SACS: variants seen among roughly 807,000 people sequenced by gnomAD.
The protein encoded by SACS is sacsin.
SACS carries 197 observed loss-of-function variants against 348.0 expected under a neutral mutation model. The ratio of observed to expected loss-of-function variants is 0.57; its 90% confidence interval spans 0.50 to 0.64. The LOEUF is 0.64. Ranked by LOEUF, SACS falls within the 30% of genes least tolerant of loss-of-function variation. SACS has a pLI of 0.00. For synonymous variants in SACS, 1,985 were observed against 1,910.6 expected (o/e 1.04, Z -1.02); for missense variants, 4,999 against 5,360.8 (o/e 0.93, Z 2.11).
chr13:23,372,362 A>G (rs1302223308), intron 3 of SACS, among the ~76,000 whole-genome samples: 1 of 152,170 alleles, frequency 6.6e-6, no homozygotes, highest in Non-Finnish European at 1.5e-5. Context: ...GCATATTCTC[A>G]ACACATTTTA....
intron 3 of SACS, among the ~76,000 whole-genome samples, chr13:23,374,597 A>C (rs544407089): frequency 2.6e-5 from 4 of 152,292 alleles, no homozygotes; most frequent in African/African-American, 9.6e-5. Flanking sequence ...GTTTTCCAAA[A>C]TTTTCTGACC....
At chr13:23,396,292 C>T (rs1872709130) in intron 2 of SACS, among the ~76,000 whole-genome samples, 1 of 149,976 alleles carries the variant, frequency 6.7e-6, no homozygotes, top group Non-Finnish European at 1.5e-5. Flanking sequence ...CCACTGCATT[C>T]CAGCCTGGGC....
chr13:23,405,197 T>C (rs1873153892), intron 2 of SACS, among the ~76,000 whole-genome samples: 2 of 152,182 alleles, frequency 1.3e-5, no homozygotes, highest in African/African-American at 4.8e-5. Flanking sequence ...AGCATGGTAC[T>C]GGTACCAAAA....
At chr13:23,344,295 C>G (rs1869461275) in intron 9 of SACS, among the ~76,000 whole-genome samples, 1 of 152,108 alleles carries the variant, frequency 6.6e-6, no homozygotes, top group South Asian at 2.1e-4. Flanking sequence ...ATAATCTTAC[C>G]CAATAGCCTT....
chr13:23,413,313 C>T (rs1019440307), intron 1 of SACS, among the ~76,000 whole-genome samples: 1 of 152,196 alleles, frequency 6.6e-6, no homozygotes, highest in Non-Finnish European at 1.5e-5. Context: ...TGGAGGGACA[C>T]ATGAGACTGC....
intron 2 of SACS, among the ~76,000 whole-genome samples, chr13:23,409,481 C>G (rs1013463603): frequency 3.3e-5 from 5 of 151,382 alleles, no homozygotes; most frequent in Non-Finnish European, 4.4e-5. Flanking sequence ...CTCAGCCTCC[C>G]GAGTAGCTGG....
intron 3 of SACS, chr13:23,373,616 C>T (rs531484641): frequency 7.9e-4 from 120 of 152,728 alleles, no homozygotes; most frequent in Non-Finnish European, 1.1e-3. Context: ...CCCCCCGCCC[C>T]GCGCCGCCTC....
rs1445272143 is a variant in SACS at position 23,366,547 on chromosome 13, A to G, written c.346-1270T>C. Reference sequence around the variant, plus strand: ...TATTATAATAATATGAAGGATGGAAATAAGAATTAAATAGGTAGTGAAAAA... The same window carrying G: ...TATTATAATAATATGAAGGATGGAAGTAAGAATTAAATAGGTAGTGAAAAA... On this transcript the variant is annotated intron_variant, in intron 5 of 9. Coordinates refer to ENST00000382292, the MANE Select transcript of SACS (RefSeq NM_014363.6). 2.0e-5 allele frequency among the ~76,000 whole-genome samples: 3 copies of G among 152,252 alleles called. No homozygotes were observed. The East Asian group carries it at 5.8e-4, about 29-fold the overall frequency.
At chr13:23,398,461 G>A (rs1872802161) in intron 2 of SACS, among the ~76,000 whole-genome samples, 1 of 149,750 alleles carries the variant, frequency 6.7e-6, no homozygotes. Context: ...TTGAACCAAG[G>A]AGGCAAAGGT....
At chr13:23,342,524 T>TA (rs1461048269) in intron 9 of SACS, among the ~76,000 whole-genome samples, 1 of 152,222 alleles carries the variant, frequency 6.6e-6, no homozygotes, top group Non-Finnish European at 1.5e-5. Context: ...ACATTGTACT[T>TA]ACCAGTTGAG....
intron 1 of SACS, among the ~76,000 whole-genome samples, chr13:23,416,277 T>C (rs1164827593): frequency 2.2e-5 from 3 of 137,254 alleles, no homozygotes; most frequent in East Asian, 4.0e-4. Flanking sequence ...GCCGACTCCA[T>C]CTCAAAAAAG....
intron 9 of SACS, among the ~76,000 whole-genome samples, chr13:23,345,839 A>T (rs1467335302): frequency 1.3e-5 from 2 of 152,148 alleles, no homozygotes; most frequent in Non-Finnish European, 2.9e-5. Context: ...TATATCCTAT[A>T]AGTTTCCAAA....
chr13:23,382,614 T>C (rs918694527), intron 2 of SACS, among the ~76,000 whole-genome samples: 15 of 152,166 alleles, frequency 9.9e-5, no homozygotes, highest in African/African-American at 3.1e-4. Context: ...AAATGTATAT[T>C]TGAACTCAAC....
At chr13:23,385,360 CTTT>C (rs1056155230) in intron 2 of SACS, among the ~76,000 whole-genome samples, 6 of 138,282 alleles carry the variant, frequency 4.3e-5, no homozygotes, top group East Asian at 2.1e-4. Context: ...CATGGATGTT[CTTT>C]TTTTTTTTTT....
chr13:23,380,537 A>G (rs754929479), intron 2 of SACS, among the ~76,000 whole-genome samples: 9 of 152,180 alleles, frequency 5.9e-5, no homozygotes, highest in South Asian at 2.1e-4. Context: ...AATAATAACA[A>G]CAATAATAAT....
At chr13:23,394,905 T>C (rs17078708) in intron 2 of SACS, among the ~76,000 whole-genome samples, 14,412 of 152,190 alleles carry the variant, frequency 0.095, 1,472 homozygotes, top group African/African-American at 0.26. Context: ...CATCTTATCA[T>C]TGGATCCTTG....
chr13:23,375,443 CGCGCGGGCCG>C (rs1871710901), intron 2 of SACS, 174 bp from the exon 3 acceptor site: 2 of 1,184,584 alleles, frequency 1.7e-6, no homozygotes, highest in African/African-American at 3.2e-5. Flanking sequence ...CCACAGGCCC[CGCGCGGGCCG>C]GGAGGGCGGG....
At position 23,338,841 on chromosome 13, in the gene SACS, A is replaced by T. The variant is rs1253494697; in HGVS notation, c.5035T>A (p.Cys1679Ser). The T allele has an allele frequency of 2.5e-6, 4 of 1,612,938 alleles. No individual in the cohort carries two copies. The highest frequency in any genetic ancestry group is 3.4e-6 in the Non-Finnish European group (4 of 1,179,932). Residue 1679 changes from cysteine (C) to serine (S), a missense_variant, in exon 10 of 10, where the codon TGT (cysteine) becomes AGT (serine). Around this residue, in one of 6 missense-constraint regions of SACS, gnomAD observed 3,156 missense variants for 3,380.1 expected, o/e 0.93. Transcript: ENST00000382292. ...IYSLVDEFSLCGHRLIIFTQS... is the reference protein window; with the variant it reads ...IYSLVDEFSLSGHRLIIFTQS... Reference sequence around the variant, plus strand: ...GTGAAAATGATAAGCCTGTGTCCACAGAGACTAAATTCATCCACAAGAGAA... The same window carrying T: ...GTGAAAATGATAAGCCTGTGTCCACTGAGACTAAATTCATCCACAAGAGAA...
At position 23,340,664 on chromosome 13, in the gene SACS, G is replaced by A. The variant is rs756331793; in HGVS notation, c.3212C>T (p.Thr1071Ile). The A allele has an allele frequency of 3.1e-6, 5 of 1,597,360 alleles. No individual in the cohort carries two copies. The Admixed American group carries it at 5.3e-5, about 17-fold the overall frequency. Residue 1071 changes from threonine to isoleucine, a missense_variant, in exon 10 of 10, where the codon ACC (threonine) becomes ATC (isoleucine). Coordinates refer to ENST00000382292, the MANE Select transcript of SACS (RefSeq NM_014363.6). ...LKDLFCNEEG[T>I]YFPPSVFTSP... The stretch of plus-strand genomic sequence containing the variant: ...GGTAAAAACTGAGGGTGGGAAATAG[G>A]TTCCTTCTTCATTACAAAAGAGATC...
Sources: allele counts gnomAD v4.1 joint callset (sites outside exome capture counted in the v4.1 genomes callset), GRCh38; gene constraint gnomAD v4.1.1; regional missense constraint gnomAD v4.1.1; transcripts MANE v1.5; gene names NCBI Gene and HGNC (gene_info 2026-07-23, HGNC 2026-07-21).